The following LRTM1 variants were observed in gnomAD, a reference collection of about 807,000 sequenced individuals.
LRTM1 encodes the protein leucine-rich repeat and transmembrane domain-containing protein 1.
LRTM1 carries 38 observed loss-of-function variants against 32.4 expected under a neutral mutation model. The observed-to-expected ratio is 1.17, with a 90% CI of 0.91 to 1.54. The LOEUF is 1.54. Among genes scored for constraint, LRTM1 ranks in the 40% most tolerant of loss-of-function variants. The pLI, the probability that LRTM1 is intolerant of heterozygous loss-of-function variation, is 0.00. For synonymous variants in LRTM1, 186 were observed against 169.9 expected (o/e 1.09, Z -0.74); for missense variants, 466 against 415.4 (o/e 1.12, Z -1.06).
chr3:54,924,334 C>T (rs777524110), intron 2 of LRTM1, among the ~76,000 whole-genome samples: 40 of 152,150 alleles, frequency 2.6e-4, no homozygotes, highest in Non-Finnish European at 4.9e-4. Context: ...GAATGTCCTC[C>T]TTCTTAATAG....
At chr3:54,952,123 CAT>C (rs1311908234) in intron 1 of LRTM1, among the ~76,000 whole-genome samples, 17 of 152,280 alleles carry the variant, frequency 1.1e-4, no homozygotes, top group African/African-American at 2.9e-4. Context: ...TGGGATTACA[CAT>C]GTTAGCCACT....
At chr3:54,923,429 A>T (rs1026474545) in intron 2 of LRTM1, among the ~76,000 whole-genome samples, 1 of 152,050 alleles carries the variant, frequency 6.6e-6, no homozygotes, top group African/African-American at 2.4e-5. Flanking sequence ...CTGCTCAGCC[A>T]TGTCACCTCC....
chr3:54,959,286 A>T (rs1331452522), intron 1 of LRTM1, among the ~76,000 whole-genome samples: 2 of 151,926 alleles, frequency 1.3e-5, no homozygotes, highest in Non-Finnish European at 1.5e-5. Flanking sequence ...CTCTGGAGGG[A>T]ATTTGAGTTT....
intron 1 of LRTM1, among the ~76,000 whole-genome samples, chr3:54,957,840 A>C (rs1412722853): frequency 6.6e-6 from 1 of 152,160 alleles, no homozygotes; most frequent in East Asian, 1.9e-4. Flanking sequence ...GCATCCCAGC[A>C]ACTTCCCCTG....
intron 1 of LRTM1, among the ~76,000 whole-genome samples, chr3:54,941,811 G>A (rs541998869): frequency 1.3e-5 from 2 of 152,288 alleles, no homozygotes; most frequent in South Asian, 4.1e-4. Context: ...CTTGGGTCTG[G>A]GGAGAGGCTT....
At chr3:54,949,134 T>C (rs1701691390) in intron 1 of LRTM1, among the ~76,000 whole-genome samples, 1 of 152,210 alleles carries the variant, frequency 6.6e-6, no homozygotes, top group Non-Finnish European at 1.5e-5. Flanking sequence ...AAACCCCCTC[T>C]TTCCTAAAAG....
chr3:54,954,591 AGCTCGTTCAGGAG>A (rs946544463), intron 1 of LRTM1, among the ~76,000 whole-genome samples: 1 of 152,180 alleles, frequency 6.6e-6, no homozygotes, highest in Admixed American at 6.5e-5. Context: ...TTTCCTGAGC[AGCTCGTTCAGGAG>A]GCTGGAGGTA....
chr3:54,927,573 G>T (rs1701057849), intron 1 of LRTM1, among the ~76,000 whole-genome samples: 1 of 152,118 alleles, frequency 6.6e-6, no homozygotes, highest in African/African-American at 2.4e-5. Context: ...CTCTGAGATT[G>T]TAGCCAATTT....
intron 1 of LRTM1, among the ~76,000 whole-genome samples, chr3:54,964,048 G>C (rs1205804129): frequency 2.0e-5 from 3 of 152,178 alleles, no homozygotes; most frequent in Non-Finnish European, 4.4e-5. Context: ...CACATGAAAG[G>C]ATTCTGGGCT....
At chr3:54,944,374 GTTTTA>G (rs1701555322) in intron 1 of LRTM1, among the ~76,000 whole-genome samples, 1 of 151,364 alleles carries the variant, frequency 6.6e-6, no homozygotes, top group African/African-American at 2.4e-5. Flanking sequence ...TATTTTGACT[GTTTTA>G]TTTTAAATTT....
At chr3:54,934,146 C>T (rs1284481962) in intron 1 of LRTM1, among the ~76,000 whole-genome samples, 5 of 152,156 alleles carry the variant, frequency 3.3e-5, no homozygotes, top group African/African-American at 9.7e-5. Context: ...AGGTTTCCAG[C>T]GTTATTTGTT....
At position 54,924,672 on chromosome 3, in the gene LRTM1, C is replaced by T; in HGVS notation, c.551G>A (p.Cys184Tyr). 3 of 1,614,156 alleles carry T rather than the reference C, an allele frequency of 1.9e-6. No homozygotes were observed. Among genetic ancestry groups the T allele is most frequent in the Non-Finnish European group, 2.5e-6 (3 of 1,180,026 alleles). The part of the protein sequence containing the change: ...LLLLKDNLWK[C>Y]NCHLLGLKLW... ...TTTAAGACCGAGCAAGTGGCAATTG[C>T]ATTTCCAGAGGTTGTCCTTGAGAAG... The change falls in exon 2 of 3, where the codon TGC (cysteine) becomes TAC (tyrosine). Residue 184 changes from cysteine to tyrosine, a missense_variant. By Grantham distance (194) the Cys-to-Tyr change is radical. Coordinates refer to ENST00000273286, the MANE Select transcript of LRTM1 (RefSeq NM_020678.4).
chr3:54,955,378 T>C (rs1701861826), intron 1 of LRTM1, among the ~76,000 whole-genome samples: 1 of 152,118 alleles, frequency 6.6e-6, no homozygotes, highest in Admixed American at 6.5e-5. Context: ...CCCACTCTCT[T>C]CTCTGGTCAT....
intron 1 of LRTM1, among the ~76,000 whole-genome samples, chr3:54,955,275 G>A (rs1219937908): frequency 6.6e-6 from 1 of 152,182 alleles, no homozygotes; most frequent in African/African-American, 2.4e-5. Context: ...AGGGACAAAG[G>A]TTGTCTTATT....
chr3:54,942,190 G>T (rs1228886964), intron 1 of LRTM1, among the ~76,000 whole-genome samples: 2 of 152,240 alleles, frequency 1.3e-5, no homozygotes, highest in Non-Finnish European at 2.9e-5. Context: ...ATACAACCGT[G>T]TATCTCTGCC....
rs566578201 is a variant in LRTM1 at position 54,924,246 on chromosome 3, C to G, written c.604+373G>C. Among the ~76,000 whole-genome samples, 5 of 152,278 alleles carry G rather than the reference C, an allele frequency of 3.3e-5. No individual in the cohort carries two copies. The South Asian group carries it at 1.0e-3, about 32-fold the overall frequency. On this transcript the variant is annotated intron_variant, in intron 2 of 2. Transcript: ENST00000273286. ...AGAAAAATATCCCAGAGAGAGATAA[C>G]CATACCCACAATTGGATCAGACTTG...
chr3:54,938,878 TG>T (rs1247241331), intron 1 of LRTM1, among the ~76,000 whole-genome samples: 2 of 152,046 alleles, frequency 1.3e-5, no homozygotes, highest in Non-Finnish European at 2.9e-5. Flanking sequence ...CCCATTAGTG[TG>T]CCATGGGCAG....
intron 1 of LRTM1, among the ~76,000 whole-genome samples, chr3:54,946,664 G>T (rs201586916): frequency 2.0e-5 from 3 of 152,022 alleles, no homozygotes; most frequent in Admixed American, 6.6e-5. Context: ...GTGCAAACCT[G>T]GGGGGAGCTA....
Position 54,937,604 on chromosome 3 carries a change from A to G in LRTM1, c.-221-12389T>C, listed in dbSNP as rs760689639. On this transcript the variant is annotated intron_variant, in intron 1 of 2. Coordinates refer to the LRTM1 transcript ENST00000493075. Reference sequence around the variant, plus strand: ...ATTAAAAGTGCAAGGAAAAAGAGGTACATGGTTCCATAAGAGAATGCAGTC... The same window carrying G: ...ATTAAAAGTGCAAGGAAAAAGAGGTGCATGGTTCCATAAGAGAATGCAGTC... Among the ~76,000 whole-genome samples, 16 of 152,368 alleles carry G rather than the reference A, an allele frequency of 1.1e-4. 1 individual carries two copies. The highest frequency in any genetic ancestry group is 1.8e-4 in the Non-Finnish European group (12 of 68,036).
Sources: allele counts gnomAD v4.1 joint callset (sites outside exome capture counted in the v4.1 genomes callset), GRCh38; gene constraint gnomAD v4.1.1; transcripts MANE v1.5; gene names NCBI Gene and HGNC (gene_info 2026-07-23, HGNC 2026-07-21).